FAT3: variants seen among roughly 807,000 people sequenced by gnomAD.
FAT3 encodes the protein protocadherin Fat 3.
Under a neutral mutation model 310.2 loss-of-function variants are expected in FAT3, and 95 were observed. The ratio of observed to expected loss-of-function variants is 0.31; its 90% CI spans 0.26 to 0.36. FAT3 has a LOEUF of 0.36. Ranked by LOEUF, FAT3 falls within the 10% of genes least tolerant of loss-of-function variation. The probability of loss-of-function intolerance (pLI) is 1.00; values close to 1 mark genes in which losing one functional copy is unlikely to be tolerated. For synonymous variants in FAT3, 2,314 were observed against 2,192.9 expected (o/e 1.06, Z -1.54); for missense variants, 5,408 against 5,715.6 (o/e 0.95, Z 1.74).
At chr11:92,729,730 A>T (rs1232349766) in intron 4 of FAT3, among the ~76,000 whole-genome samples, 1 of 152,136 alleles carries the variant, frequency 6.6e-6, no homozygotes, top group African/African-American at 2.4e-5. Flanking sequence ...TGGCCCCCAG[A>T]CTGAAATTTT....
Position 92,327,129 on chromosome 11 carries a change from C to T in FAT3, c.-17-24967C>T, listed in dbSNP as rs75366908. On this transcript the variant is annotated intron_variant, in intron 1 of 27. Coordinates refer to ENST00000525166, the MANE Select transcript of FAT3 (RefSeq NM_001367949.2). ...CTTTTGCTTATCATGCAACTTATTA[C>T]TGAATTTTTCTTTTTTGTCTGTGTT... Among the ~76,000 whole-genome samples, 359 of 152,122 alleles carry T rather than the reference C, an allele frequency of 2.4e-3. 2 individuals are homozygous for T. Among genetic ancestry groups the T allele is most frequent in the African/African-American group, 8.4e-3 (348 of 41,490 alleles).
intron 2 of FAT3, among the ~76,000 whole-genome samples, chr11:92,363,869 T>A (rs989837034): frequency 3.3e-5 from 5 of 152,184 alleles, no homozygotes; most frequent in South Asian, 4.1e-4. Context: ...AACATTCTGA[T>A]GAACTTTGTA....
intron 1 of FAT3, among the ~76,000 whole-genome samples, chr11:92,272,209 G>C (rs1434573054): frequency 6.6e-6 from 1 of 152,096 alleles, no homozygotes; most frequent in Non-Finnish European, 1.5e-5. Flanking sequence ...AAATTGAGGA[G>C]GGGGTTACCA....
At chr11:92,845,213 C>T (rs560110112) in intron 19 of FAT3, among the ~76,000 whole-genome samples, 210 of 152,300 alleles carry the variant, frequency 1.4e-3, no homozygotes, top group Non-Finnish European at 2.3e-3. Flanking sequence ...AGAGCAGGCC[C>T]AGTCATCACA....
intron 6 of FAT3, among the ~76,000 whole-genome samples, chr11:92,769,599 C>T (rs1453092827): frequency 6.6e-6 from 1 of 152,178 alleles, no homozygotes; most frequent in African/African-American, 2.4e-5. Context: ...GTGCTGTCAC[C>T]CATTTTTTAG....
At chr11:92,748,188 A>T (rs538359269) in intron 4 of FAT3, among the ~76,000 whole-genome samples, 1 of 152,322 alleles carries the variant, frequency 6.6e-6, no homozygotes, top group South Asian at 2.1e-4. Flanking sequence ...TGGAAGGTGA[A>T]TGAGGAGTAA....
chr11:92,308,236 T>G (rs1947190931), intron 1 of FAT3, among the ~76,000 whole-genome samples: 1 of 152,212 alleles, frequency 6.6e-6, no homozygotes, highest in African/African-American at 2.4e-5. Flanking sequence ...TTTGATTATC[T>G]GTGTTTTCAG....
At chr11:92,549,384 T>A (rs1954725286) in intron 3 of FAT3, among the ~76,000 whole-genome samples, 1 of 152,216 alleles carries the variant, frequency 6.6e-6, no homozygotes, top group Admixed American at 6.5e-5. Flanking sequence ...ACTCTTACAA[T>A]GCTGGAAATT....
At chr11:92,862,315 T>C (rs1277474548) in intron 21 of FAT3, among the ~76,000 whole-genome samples, 1 of 152,154 alleles carries the variant, frequency 6.6e-6, no homozygotes, top group African/African-American at 2.4e-5. Context: ...ATGGCATTCT[T>C]TTTCAAAGGG....
chr11:92,509,597 T>C (rs1953226170), intron 2 of FAT3, among the ~76,000 whole-genome samples: 1 of 152,180 alleles, frequency 6.6e-6, no homozygotes, highest in Non-Finnish European at 1.5e-5. Flanking sequence ...TTCTTACACA[T>C]AGTTTACATT....
At chr11:92,692,991 G>C (rs1943839603) in intron 3 of FAT3, among the ~76,000 whole-genome samples, 1 of 152,144 alleles carries the variant, frequency 6.6e-6, no homozygotes, top group South Asian at 2.1e-4. Flanking sequence ...TCACTTCTCT[G>C]ACCATAACTA....
At chr11:92,624,036 A>T (rs1941213020) in intron 3 of FAT3, among the ~76,000 whole-genome samples, 1 of 152,256 alleles carries the variant, frequency 6.6e-6, no homozygotes, top group Non-Finnish European at 1.5e-5. Flanking sequence ...ACAAATACAA[A>T]TGGATACATA....
intron 6 of FAT3, among the ~76,000 whole-genome samples, chr11:92,770,048 G>A (rs1408345928): frequency 1.3e-5 from 2 of 152,174 alleles, no homozygotes; most frequent in Admixed American, 6.5e-5. Context: ...GTGATATGGA[G>A]AGAAACCATA....
intron 1 of FAT3, among the ~76,000 whole-genome samples, chr11:92,346,015 T>C (rs1338341063): frequency 1.3e-5 from 2 of 152,208 alleles, no homozygotes; most frequent in African/African-American, 2.4e-5. Context: ...TATTATCTTA[T>C]ACATTCTCTA....
intron 3 of FAT3, among the ~76,000 whole-genome samples, chr11:92,669,869 A>G (rs992760389): frequency 1.3e-5 from 2 of 152,180 alleles, no homozygotes; most frequent in Non-Finnish European, 2.9e-5. Flanking sequence ...AGAGCATGGA[A>G]ATTAATCGCT....
chr11:92,363,526 T>C lies in FAT3; in HGVS notation c.3292+8122T>C, dbSNP rs117764720. ...CCAACTTCTTTTTCCCAAACTTGCCTGGCAACTTCTCTTTGACATGTTGAG... is the reference window on the plus strand; with the variant it reads ...CCAACTTCTTTTTCCCAAACTTGCCCGGCAACTTCTCTTTGACATGTTGAG... On this transcript the variant is annotated intron_variant, in intron 2 of 27. Transcript: ENST00000525166. Among the ~76,000 whole-genome samples, 109 of 152,368 alleles carry C rather than the reference T, an allele frequency of 7.2e-4. No individual in the cohort carries two copies. In the East Asian group the frequency reaches 0.017, roughly 24 times the overall value.
chr11:92,872,738 T>C (rs962971369), intron 22 of FAT3, among the ~76,000 whole-genome samples: 25 of 152,212 alleles, frequency 1.6e-4, no homozygotes, highest in Admixed American at 1.3e-4. Flanking sequence ...ATATATAAAA[T>C]GTGAGCCAGC....
At chr11:92,684,328 G>A (rs578029296) in intron 3 of FAT3, among the ~76,000 whole-genome samples, 4 of 152,264 alleles carry the variant, frequency 2.6e-5, no homozygotes, top group African/African-American at 7.2e-5. Context: ...AACTGCATGG[G>A]TGGAATGGAG....
intron 3 of FAT3, among the ~76,000 whole-genome samples, chr11:92,675,638 A>G (rs1591595345): frequency 6.6e-6 from 1 of 152,304 alleles, no homozygotes; most frequent in East Asian, 1.9e-4. Context: ...CCAGGTTATA[A>G]TCATACTGTC....
Sources: gnomAD v4.1 joint callset for allele counts (sites outside exome capture counted in the v4.1 genomes callset) on GRCh38, gnomAD v4.1.1 for gene constraint, MANE v1.5 for transcripts, NCBI Gene and HGNC (gene_info 2026-07-23, HGNC 2026-07-21) for gene names.